EFNA5: variants seen among roughly 807,000 people sequenced by gnomAD.
EFNA5 encodes the protein ephrin-A5.
EFNA5 carries 5 observed loss-of-function variants against 22.9 expected under a neutral mutation model. That is an observed-to-expected ratio of 0.22 (90% CI 0.11 to 0.46). EFNA5 has a LOEUF of 0.46. EFNA5 is among the 20% of genes least tolerant of loss of function. The probability of loss-of-function intolerance (pLI) is 0.99; values close to 1 mark genes in which losing one functional copy is unlikely to be tolerated. For synonymous variants in EFNA5, 113 were observed against 112.2 expected, an observed-to-expected ratio of 1.01 and a Z score of -0.04; for missense variants, 237 against 293.3, an observed-to-expected ratio of 0.81 and a Z score of 1.40.
intron 1 of EFNA5, among the ~76,000 whole-genome samples, chr5:107,511,078 G>A (rs949480280): frequency 6.6e-6 from 1 of 151,198 alleles, no homozygotes; most frequent in African/African-American, 2.4e-5. Flanking sequence ...CCAGGCTGGA[G>A]TGCAATGGCA....
At chr5:107,564,717 T>A (rs1748627442) in intron 1 of EFNA5, among the ~76,000 whole-genome samples, 1 of 151,622 alleles carries the variant, frequency 6.6e-6, no homozygotes, top group African/African-American at 2.4e-5. Context: ...CTGATCCTTG[T>A]CCTCTTCTAG....
At chr5:107,494,362 C>T (rs149195) in intron 1 of EFNA5, among the ~76,000 whole-genome samples, 35,418 of 152,162 alleles carry the variant, frequency 0.23, 4,381 homozygotes, top group South Asian at 0.41. Flanking sequence ...CCCTGCCGCC[C>T]GGGCAGTGAG....
intron 1 of EFNA5, among the ~76,000 whole-genome samples, chr5:107,504,488 T>C (rs2112428571): frequency 6.6e-6 from 1 of 152,292 alleles, no homozygotes; most frequent in Non-Finnish European, 1.5e-5. Flanking sequence ...TCTTCTTTTA[T>C]AGAAATAGAA....
At chr5:107,547,228 C>T (rs1420223134) in intron 1 of EFNA5, among the ~76,000 whole-genome samples, 1 of 152,176 alleles carries the variant, frequency 6.6e-6, no homozygotes, top group Non-Finnish European at 1.5e-5. Context: ...AAAGATACAA[C>T]TTCCTTCGGG....
At chr5:107,653,507 C>T (rs1750773305) in intron 1 of EFNA5, among the ~76,000 whole-genome samples, 2 of 152,180 alleles carry the variant, frequency 1.3e-5, no homozygotes, top group African/African-American at 4.8e-5. Flanking sequence ...TTGAGCAGGG[C>T]TCAAGCCCCA....
chr5:107,590,960 G>A (rs920447901), intron 1 of EFNA5, among the ~76,000 whole-genome samples: 7 of 152,140 alleles, frequency 4.6e-5, no homozygotes, highest in Non-Finnish European at 1.0e-4. Context: ...GTGTGGGTGG[G>A]TCAAGAGGGG....
At chr5:107,635,188 A>T (rs1750347548) in intron 1 of EFNA5, among the ~76,000 whole-genome samples, 1 of 152,230 alleles carries the variant, frequency 6.6e-6, no homozygotes, top group African/African-American at 2.4e-5. Flanking sequence ...CTTAAATCGC[A>T]TCCATATGAT....
chr5:107,469,480 A>T (rs1750080592), intron 1 of EFNA5, among the ~76,000 whole-genome samples: 1 of 152,118 alleles, frequency 6.6e-6, no homozygotes, highest in African/African-American at 2.4e-5. Flanking sequence ...CTTGGTTGTT[A>T]ACAACAGGCA....
chr5:107,486,905 T>TAGG lies in EFNA5; in HGVS notation c.126-59397_126-59396insCCT, dbSNP rs199836044. 1.8e-3 allele frequency among the ~76,000 whole-genome samples: 268 copies of TAGG among 152,310 alleles called. 6 individuals are homozygous for TAGG. In the East Asian group the frequency reaches 0.043, roughly 24 times the overall value. On this transcript the variant is annotated intron_variant, in intron 1 of 4. Coordinates refer to ENST00000333274, the MANE Select transcript of EFNA5 (RefSeq NM_001962.3). ...AATTTTAGGGTCTCCTCAGTGTATT[T>TAGG]ATACTTTAGTTTCCTTCCCCCTTTG... is the stretch of plus-strand genomic sequence containing the variant.
chr5:107,486,360 G>C (rs144732712), intron 1 of EFNA5, among the ~76,000 whole-genome samples: 59 of 152,226 alleles, frequency 3.9e-4, no homozygotes, highest in African/African-American at 1.4e-3. Flanking sequence ...AGATATGGAA[G>C]ATACAACCTA....
At chr5:107,446,135 C>T (rs1391720747) in intron 1 of EFNA5, among the ~76,000 whole-genome samples, 2 of 152,172 alleles carry the variant, frequency 1.3e-5, no homozygotes, top group African/African-American at 4.8e-5. Flanking sequence ...TAACACCTCA[C>T]TCCTAGGACA....
At position 107,380,491 on chromosome 5, in the gene EFNA5, C is replaced by T. The variant is rs1379412044; in HGVS notation, c.*764G>A. 2 of 191,210 alleles carry T rather than the reference C, an allele frequency of 1.0e-5. No individual in the cohort carries two copies. The highest frequency in any genetic ancestry group is 1.0e-5 in the Non-Finnish European group (1 of 97,598). 11.8% of individuals were successfully genotyped at this position (191,210 alleles called of 1,614,324 possible). A position where few individuals can be genotyped will look rare whatever the true frequency, so the allele number is the denominator to read the frequency against. ...CCAGTCACCAAAAAAATTAGAGGCACTCACACATACACACCCCCAGCAAAC... is the reference window on the plus strand; with the variant it reads ...CCAGTCACCAAAAAAATTAGAGGCATTCACACATACACACCCCCAGCAAAC... On this transcript the variant is annotated 3_prime_UTR_variant, in exon 5 of 5. Coordinates refer to ENST00000333274, the MANE Select transcript of EFNA5 (RefSeq NM_001962.3).
chr5:107,607,237 T>G (rs946860637), intron 1 of EFNA5, among the ~76,000 whole-genome samples: 7 of 152,284 alleles, frequency 4.6e-5, no homozygotes, highest in Middle Eastern at 3.4e-3. Context: ...TAACACAATT[T>G]GATACATTAG....
Position 107,504,370 on chromosome 5 carries a change from G to C in EFNA5, c.126-76861C>G, listed in dbSNP as rs115691115. On this transcript the variant is annotated intron_variant, in intron 1 of 4. Transcript: ENST00000333274. ...AGCAAAATGTGTCCCTACACTCGAA[G>C]AGGATACATTTTTAGTGATATGTTA... Among the ~76,000 whole-genome samples the C allele has an allele frequency of 7.7e-3, 1,168 of 152,144 alleles. 14 individuals are homozygous for C. Among genetic ancestry groups the C allele is most frequent in the African/African-American group, 0.027 (1,120 of 41,490 alleles).
chr5:107,605,310 G>A (rs187247629), intron 1 of EFNA5, among the ~76,000 whole-genome samples: 11 of 152,092 alleles, frequency 7.2e-5, no homozygotes, highest in African/African-American at 2.2e-4. Flanking sequence ...GCATGATGCC[G>A]AGACCATAAC....
At chr5:107,382,200 C>T (rs1008822441) in intron 4 of EFNA5, among the ~76,000 whole-genome samples, 2 of 152,106 alleles carry the variant, frequency 1.3e-5, no homozygotes, top group African/African-American at 4.8e-5. Flanking sequence ...TTTGGATAGC[C>T]TTCCTGATCT....
At chr5:107,504,516 C>G (rs926208204) in intron 1 of EFNA5, among the ~76,000 whole-genome samples, 1 of 152,044 alleles carries the variant, frequency 6.6e-6, no homozygotes, top group Non-Finnish European at 1.5e-5. Context: ...TATTAATGTA[C>G]AAATAATATG....
chr5:107,387,427 T>G, intron 3 of EFNA5, 112 bp from the exon 4 acceptor site: 1 of 699,286 alleles, frequency 1.4e-6, no homozygotes, highest in Non-Finnish European at 2.4e-6. Context: ...TAGATTGTCT[T>G]ACAATCAATG....
chr5:107,587,339 A>T (rs895193084), intron 1 of EFNA5, among the ~76,000 whole-genome samples: 1 of 152,160 alleles, frequency 6.6e-6, no homozygotes, highest in Non-Finnish European at 1.5e-5. Flanking sequence ...GGACTCTCAG[A>T]AGACTTCTTG....
Sources: allele counts gnomAD v4.1 joint callset (sites outside exome capture counted in the v4.1 genomes callset), GRCh38; gene constraint gnomAD v4.1.1; transcripts MANE v1.5; gene names NCBI Gene and HGNC (gene_info 2026-07-23, HGNC 2026-07-21).